PDE1A: variants seen among roughly 807,000 people sequenced by gnomAD.
The protein encoded by PDE1A is phosphodiesterase 1A.
In PDE1A, 35 loss-of-function variants were observed where a neutral mutation model predicts 61.7. The ratio of observed to expected loss-of-function variants is 0.57; its 90% confidence interval spans 0.43 to 0.75. The LOEUF (loss-of-function observed/expected upper bound fraction) is 0.75, where lower values mean the gene tolerates loss of function less well. Among genes scored for constraint, PDE1A ranks in the 30% least tolerant of loss-of-function variants. The pLI is 0.00. For missense variants in PDE1A, 597 were observed against 630.6 expected, an observed-to-expected ratio of 0.95 and a Z score of 0.57; for synonymous variants, 232 against 213.2, an observed-to-expected ratio of 1.09 and a Z score of -0.77.
chr2:182,302,685 A>G (rs902304002), intron 1 of PDE1A, among the ~76,000 whole-genome samples: 2 of 152,198 alleles, frequency 1.3e-5, no homozygotes, highest in African/African-American at 4.8e-5. Context: ...TGTCTTTCAT[A>G]AAAGATTTAT....
chr2:182,260,355 C>G (rs1692136514), intron 2 of PDE1A, among the ~76,000 whole-genome samples: 2 of 152,126 alleles, frequency 1.3e-5, no homozygotes, highest in South Asian at 4.1e-4. Context: ...CTTCTTGGAC[C>G]TGACTCCTTT....
the PDE1A span, among the ~76,000 whole-genome samples, chr2:182,694,831 G>GA: frequency 9.8e-6 from 1 of 101,532 alleles, no homozygotes; most frequent in Non-Finnish European, 2.4e-5. Flanking sequence ...AAGGTGGGGG[G>GA]GGGGCAACAG....
At position 182,293,493 on chromosome 2, in the gene PDE1A, GA is replaced by G. The variant is rs562948495; in HGVS notation, c.54-29080del. On this transcript the variant is annotated intron_variant, in intron 1 of 13. Transcript: ENST00000351439. ...TTCATTTGCTAACACATATTTGAAG[GA>G]AAAAAAAACACCTATAGCCTTTAAT... Among the ~76,000 whole-genome samples the G allele has an allele frequency of 1.4e-4, 21 of 148,496 alleles. No homozygotes were observed. In the South Asian group the frequency reaches 2.1e-3, roughly 15 times the overall value.
At chr2:182,373,580 A>G (rs1297542976) in intron 1 of PDE1A, among the ~76,000 whole-genome samples, 5 of 152,224 alleles carry the variant, frequency 3.3e-5, no homozygotes, top group Non-Finnish European at 1.5e-5. Context: ...CTACTTCATA[A>G]AATTTCCTTA....
intron 1 of PDE1A, among the ~76,000 whole-genome samples, chr2:182,380,586 T>A (rs186800756): frequency 6.6e-5 from 10 of 152,364 alleles, no homozygotes; most frequent in African/African-American, 1.9e-4. Context: ...TCAATGGATC[T>A]TTTGAAAGAG....
intron 2 of PDE1A, among the ~76,000 whole-genome samples, chr2:182,257,314 A>G (rs1201359074): frequency 6.6e-6 from 1 of 152,208 alleles, no homozygotes; most frequent in African/African-American, 2.4e-5. Context: ...GCGTTTTTTA[A>G]ACCTTAATAG....
At chr2:182,581,166 T>A in the PDE1A span, among the ~76,000 whole-genome samples, 145 of 152,258 alleles carry the variant, frequency 9.5e-4, 1 homozygote, top group African/African-American at 3.2e-3. Flanking sequence ...AAAGCAAATT[T>A]TAGTCCCTGG....
chr2:182,425,672 T>C (rs913528838), intron 1 of PDE1A, among the ~76,000 whole-genome samples: 4 of 152,152 alleles, frequency 2.6e-5, no homozygotes, highest in African/African-American at 9.7e-5. Context: ...CAGAGAAATT[T>C]TGCTCATACG....
At chr2:182,353,601 C>G (rs540512017) in intron 1 of PDE1A, among the ~76,000 whole-genome samples, 3 of 151,842 alleles carry the variant, frequency 2.0e-5, no homozygotes, top group Admixed American at 6.6e-5. Flanking sequence ...ACAGCATGCA[C>G]AAATACACAT....
chr2:182,173,022 A>T (rs922683760), intron 13 of PDE1A, among the ~76,000 whole-genome samples: 1 of 152,002 alleles, frequency 6.6e-6, no homozygotes, highest in African/African-American at 2.4e-5. Context: ...TCCCATCCCT[A>T]GGTGAATATA....
At chr2:182,155,397 C>A (rs769254409) in intron 13 of PDE1A, among the ~76,000 whole-genome samples, 6 of 152,080 alleles carry the variant, frequency 3.9e-5, no homozygotes, top group Non-Finnish European at 8.8e-5. Context: ...CTGGGAAATT[C>A]TGGCTCTTTA....
chr2:182,618,244 G>T, the PDE1A span, among the ~76,000 whole-genome samples: 2 of 152,080 alleles, frequency 1.3e-5, no homozygotes, highest in Non-Finnish European at 2.9e-5. Flanking sequence ...CCTCAATTTG[G>T]GAGAATTATT....
At chr2:182,265,505 TCCTTA>T (rs1192359544) in intron 1 of PDE1A, among the ~76,000 whole-genome samples, 4 of 152,098 alleles carry the variant, frequency 2.6e-5, no homozygotes, top group African/African-American at 9.7e-5. Flanking sequence ...CATGTTTGAG[TCCTTA>T]GGATGATGTG....
chr2:182,474,286 GA>G (rs1324222122), intron 2 of PDE1A, among the ~76,000 whole-genome samples: 1 of 151,792 alleles, frequency 6.6e-6, no homozygotes, highest in African/African-American at 2.4e-5. Context: ...TTCAGAGTGA[GA>G]AAAAAAGTAT....
At chr2:182,186,327 A>C in intron 12 of PDE1A, 141 bp downstream of exon 12, 1 of 997,638 alleles carries the variant, frequency 1.0e-6, no homozygotes, top group Non-Finnish European at 1.5e-6. Context: ...GATGCAATAT[A>C]ATATAAAGCC....
the PDE1A span, among the ~76,000 whole-genome samples, chr2:182,630,061 TCTC>T: frequency 6.6e-6 from 1 of 152,168 alleles, no homozygotes. Context: ...TATTGGATGA[TCTC>T]CTCATCATTT....
intron 1 of PDE1A, among the ~76,000 whole-genome samples, chr2:182,314,744 C>A (rs967755414): frequency 6.6e-6 from 1 of 152,056 alleles, no homozygotes; most frequent in Non-Finnish European, 1.5e-5. Context: ...GGGGTAATGT[C>A]TATTTTTGTG....
At chr2:182,536,186 C>A in the PDE1A span, among the ~76,000 whole-genome samples, 1 of 152,160 alleles carries the variant, frequency 6.6e-6, no homozygotes, top group Non-Finnish European at 1.5e-5. Context: ...ACTGAGAACT[C>A]AGGAAGTGTG....
At chr2:182,283,233 C>T (rs1011096257) in intron 1 of PDE1A, among the ~76,000 whole-genome samples, 9 of 152,024 alleles carry the variant, frequency 5.9e-5, no homozygotes, top group Non-Finnish European at 1.0e-4. Context: ...AAGTTTTACA[C>T]ATAGTAGTAA....
Sources: allele counts gnomAD v4.1 joint callset (sites outside exome capture counted in the v4.1 genomes callset), GRCh38; gene constraint gnomAD v4.1.1; transcripts MANE v1.5; gene names NCBI Gene and HGNC (gene_info 2026-07-23, HGNC 2026-07-21).